GALNTL6: variants seen among roughly 807,000 people sequenced by gnomAD.
GALNTL6 encodes the protein polypeptide N-acetylgalactosaminyltransferase like 6, also known as polypeptide N-acetylgalactosaminyltransferase-like 6.
Under a neutral mutation model 73.7 loss-of-function variants are expected in GALNTL6, and 46 were observed. The ratio of observed to expected loss-of-function variants is 0.62; its 90% confidence interval spans 0.49 to 0.80. The LOEUF (loss-of-function observed/expected upper bound fraction) is 0.80, where lower values mean the gene tolerates loss of function less well. GALNTL6 is among the 30% of genes least tolerant of loss of function. GALNTL6 has a pLI of 0.00. For synonymous variants in GALNTL6, 259 were observed against 263.7 expected, an observed-to-expected ratio of 0.98 and a Z score of 0.17; for missense variants, 604 against 755.0, an observed-to-expected ratio of 0.80 and a Z score of 2.34.
At chr4:172,314,508 C>T (rs1458083412) in intron 4 of GALNTL6, among the ~76,000 whole-genome samples, 1 of 150,008 alleles carries the variant, frequency 6.7e-6, no homozygotes, top group Non-Finnish European at 1.5e-5. Flanking sequence ...TAAAAAAAAT[C>T]ATGGTTTTAT....
intron 5 of GALNTL6, among the ~76,000 whole-genome samples, chr4:172,399,928 T>G (rs986624870): frequency 3.2e-4 from 48 of 152,286 alleles, no homozygotes; most frequent in African/African-American, 1.2e-3. Flanking sequence ...TATAGGTACT[T>G]AAAAAGTTTG....
Position 171,814,437 on chromosome 4 carries a change from A to T in GALNTL6, c.-144A>T, listed in dbSNP as rs1734466056. 1.3e-6 allele frequency: 1 copy of T among 750,212 alleles called. No individual in the cohort carries two copies. The highest frequency in any genetic ancestry group is 2.2e-6 in the Non-Finnish European group (1 of 460,620). 46.5% of individuals were successfully genotyped at this position (750,212 alleles called of 1,614,324 possible). Reference sequence around the variant, plus strand: ...ATGGCCAACTCCCTCTGAATCCTGCAGATTGGTGCTGAGCACGCAACAAAA... The same window carrying T: ...ATGGCCAACTCCCTCTGAATCCTGCTGATTGGTGCTGAGCACGCAACAAAA... On this transcript the variant is annotated 5_prime_UTR_variant, in exon 2 of 13. Coordinates refer to ENST00000506823, the MANE Select transcript of GALNTL6 (RefSeq NM_001034845.3).
chr4:172,425,446 C>T (rs1370994676), intron 5 of GALNTL6: 1 of 151,914 alleles, frequency 6.6e-6, no homozygotes, highest in East Asian at 1.9e-4. Flanking sequence ...ACTTTTTGAA[C>T]TTTATGGAGA....
At chr4:171,853,764 A>G (rs1023830606) in intron 2 of GALNTL6, among the ~76,000 whole-genome samples, 3 of 151,446 alleles carry the variant, frequency 2.0e-5, no homozygotes, top group Admixed American at 6.6e-5. Context: ...GGTGCCCACC[A>G]CCACGCCCAG....
chr4:172,228,237 C>G (rs1475456116), intron 2 of GALNTL6, among the ~76,000 whole-genome samples: 1 of 151,878 alleles, frequency 6.6e-6, no homozygotes, highest in Non-Finnish European at 1.5e-5. Flanking sequence ...TTTACTTTTC[C>G]ATAACTTTTG....
intron 5 of GALNTL6, among the ~76,000 whole-genome samples, chr4:172,637,766 C>T (rs547408339): frequency 1.3e-5 from 2 of 152,282 alleles, no homozygotes; most frequent in African/African-American, 4.8e-5. Context: ...ACATCTAGCT[C>T]TGTCACTAAC....
chr4:172,375,712 T>C (rs2111268242), intron 5 of GALNTL6, among the ~76,000 whole-genome samples: 1 of 152,276 alleles, frequency 6.6e-6, no homozygotes, highest in Non-Finnish European at 1.5e-5. Flanking sequence ...AGGTCAGATT[T>C]AGTGGCCCTT....
intron 7 of GALNTL6, among the ~76,000 whole-genome samples, chr4:172,877,266 G>A (rs1234365781): frequency 6.6e-6 from 1 of 152,084 alleles, no homozygotes; most frequent in South Asian, 2.1e-4. Flanking sequence ...CTGAAAATGT[G>A]AGAAAGTAGG....
chr4:172,689,779 G>A (rs1373415983), intron 5 of GALNTL6, among the ~76,000 whole-genome samples: 1 of 152,064 alleles, frequency 6.6e-6, no homozygotes, highest in East Asian at 1.9e-4. Flanking sequence ...ACTGTATGAA[G>A]CCATCCCAAG....
At chr4:172,497,991 C>CTTTTTTTTTTTTTTTTTTTTTTTT (rs10669113) in intron 5 of GALNTL6, among the ~76,000 whole-genome samples, 1 of 104,586 alleles carries the variant, frequency 9.6e-6, no homozygotes, top group Non-Finnish European at 1.9e-5. Context: ...TGTCACATTT[C>CTTTTTTTTTTTTTTTTTTTTTTTT]TTTTTTTTTT....
chr4:171,816,536 A>C (rs1734529425), intron 2 of GALNTL6, among the ~76,000 whole-genome samples: 1 of 152,048 alleles, frequency 6.6e-6, no homozygotes, highest in Admixed American at 6.6e-5. Context: ...TAAATAACTG[A>C]AATTGATTGA....
At chr4:172,590,935 T>C (rs1456467824) in intron 5 of GALNTL6, among the ~76,000 whole-genome samples, 2 of 152,142 alleles carry the variant, frequency 1.3e-5, no homozygotes, top group Non-Finnish European at 2.9e-5. Context: ...CGTGAAATGC[T>C]TCATAAATTT....
chr4:172,679,839 A>C (rs542908083), intron 5 of GALNTL6, among the ~76,000 whole-genome samples: 1 of 152,222 alleles, frequency 6.6e-6, no homozygotes, highest in Non-Finnish European at 1.5e-5. Flanking sequence ...GCATTGTACC[A>C]GTTCTCTTGA....
At chr4:171,856,386 G>A (rs1034896112) in intron 2 of GALNTL6, among the ~76,000 whole-genome samples, 2 of 151,728 alleles carry the variant, frequency 1.3e-5, no homozygotes, top group African/African-American at 4.8e-5. Context: ...AAGTGCTGAG[G>A]TTACACATGT....
intron 5 of GALNTL6, among the ~76,000 whole-genome samples, chr4:172,436,698 A>G (rs1731645693): frequency 6.6e-6 from 1 of 152,098 alleles, no homozygotes; most frequent in Admixed American, 6.6e-5. Context: ...GGCCATAAGG[A>G]ACAGCAGACT....
chr4:172,819,295 A>G (rs1348381803), intron 7 of GALNTL6, among the ~76,000 whole-genome samples: 1 of 152,240 alleles, frequency 6.6e-6, no homozygotes, highest in Non-Finnish European at 1.5e-5. Context: ...TTTCTTGTAT[A>G]AGAATGTGAG....
At chr4:172,680,721 T>G (rs1013816830) in intron 5 of GALNTL6, among the ~76,000 whole-genome samples, 3 of 152,208 alleles carry the variant, frequency 2.0e-5, no homozygotes, top group Admixed American at 6.5e-5. Flanking sequence ...GACCTCAAAC[T>G]TTATTATATA....
intron 2 of GALNTL6, among the ~76,000 whole-genome samples, chr4:171,997,154 G>C (rs751115206): frequency 6.6e-6 from 1 of 152,058 alleles, no homozygotes; most frequent in Non-Finnish European, 1.5e-5. Flanking sequence ...AAACATATTT[G>C]AACTTGCATG....
At position 172,277,687 on chromosome 4, in the gene GALNTL6, C is replaced by T. The variant is rs185022757; in HGVS notation, c.248-33927C>T. ...TAATGTTTGCTCTGTATGGCTGCAC[C>T]TGCCTAGAGCAAAGTCAGTGTGATA... On this transcript the variant is annotated intron_variant, in intron 3 of 12. Transcript: ENST00000506823. Among the ~76,000 whole-genome samples the T allele has an allele frequency of 2.6e-5, 4 of 152,210 alleles. No homozygotes were observed. The South Asian group carries it at 8.3e-4, about 32-fold the overall frequency.
Sources: allele counts gnomAD v4.1 joint callset (sites outside exome capture counted in the v4.1 genomes callset), GRCh38; gene constraint gnomAD v4.1.1; transcripts MANE v1.5; gene names NCBI Gene and HGNC (gene_info 2026-07-23, HGNC 2026-07-21).